XPNPEP3: variants seen among roughly 807,000 people sequenced by gnomAD.
XPNPEP3 encodes the protein X-prolyl aminopeptidase 3.
In XPNPEP3, 41 loss-of-function variants were observed where a neutral mutation model predicts 60.0. The observed-to-expected ratio is 0.68, with a 90% CI of 0.53 to 0.89. The LOEUF (loss-of-function observed/expected upper bound fraction) is 0.89, where lower values mean the gene tolerates loss of function less well. Among genes scored for constraint, XPNPEP3 ranks in the 40% least tolerant of loss-of-function variants. The pLI, the probability that XPNPEP3 is intolerant of heterozygous loss-of-function variation, is 0.00. For synonymous variants in XPNPEP3, 212 were observed against 223.2 expected (o/e 0.95, Z 0.45); for missense variants, 598 against 638.9 (o/e 0.94, Z 0.69).
intron 3 of XPNPEP3, among the ~76,000 whole-genome samples, chr22:40,882,698 C>T (rs959205923): frequency 4.0e-5 from 6 of 151,820 alleles, no homozygotes; most frequent in African/African-American, 1.5e-4. Context: ...GAGCTAAGAT[C>T]CCGCCACTGC....
intron 2 of XPNPEP3, among the ~76,000 whole-genome samples, chr22:40,871,248 G>A (rs1375619914): frequency 2.0e-5 from 3 of 152,052 alleles, no homozygotes; most frequent in African/African-American, 7.2e-5. Flanking sequence ...AGCTACTCGG[G>A]GGACTCAGGT....
chr22:40,928,840 GCAGTGA>G lies in XPNPEP3; in HGVS notation c.*2407_*2412del, dbSNP rs2058244730. On this transcript the variant is annotated 3_prime_UTR_variant, in exon 10 of 10. Coordinates refer to ENST00000357137, the MANE Select transcript of XPNPEP3 (RefSeq NM_022098.4). ...AGGGTACAGAGTGAAAAGCAGACAG[GCAGTGA>G]CTTCCTCAAGAGACAGATAATGTGA... 1 of 152,164 alleles carries G rather than the reference GCAGTGA, an allele frequency of 6.6e-6. No individual in the cohort carries two copies. Among genetic ancestry groups the G allele is most frequent in the Non-Finnish European group, 1.5e-5 (1 of 68,036 alleles). 9.4% of individuals were successfully genotyped at this position (152,164 alleles called of 1,614,324 possible).
intron 4 of XPNPEP3, chr22:40,907,007 C>T (rs554429253): frequency 8.8e-6 from 4 of 454,890 alleles, no homozygotes; most frequent in East Asian, 7.0e-5. Context: ...GCAGAGCCCT[C>T]GTGATTTAAT....
At chr22:40,896,621 G>A (rs2058109216) in intron 4 of XPNPEP3, among the ~76,000 whole-genome samples, 1 of 150,756 alleles carries the variant, frequency 6.6e-6, no homozygotes, top group African/African-American at 2.4e-5. Flanking sequence ...GCAACCGAGA[G>A]AGACTCTGCA....
chr22:40,893,830 G>T (rs943178692), intron 4 of XPNPEP3, among the ~76,000 whole-genome samples: 1 of 152,130 alleles, frequency 6.6e-6, no homozygotes, highest in African/African-American at 2.4e-5. Context: ...TGGTCAGGCT[G>T]ATCTAGAACT....
intron 2 of XPNPEP3, 114 bp downstream of exon 2, chr22:40,869,229 T>G (rs535243963): frequency 1.4e-4 from 128 of 883,976 alleles, no homozygotes; most frequent in Non-Finnish European, 2.3e-4. Flanking sequence ...AGGTAGCCAC[T>G]AACCTCACAT....
intron 1 of XPNPEP3, chr22:40,860,675 C>T (rs1215904786): frequency 4.2e-6 from 5 of 1,191,976 alleles, no homozygotes; most frequent in Non-Finnish European, 4.6e-6. Context: ...TTTTTTAAGA[C>T]AGGGTCTTAC....
chr22:40,875,451 TG>T, intron 2 of XPNPEP3, among the ~76,000 whole-genome samples: 1 of 152,334 alleles, frequency 6.6e-6, no homozygotes, highest in Non-Finnish European at 1.5e-5. Flanking sequence ...CTTCATCTCC[TG>T]ATTCAATTTT....
chr22:40,892,026 G>C (rs1196930778), intron 4 of XPNPEP3, among the ~76,000 whole-genome samples: 1 of 152,170 alleles, frequency 6.6e-6, no homozygotes, highest in Non-Finnish European at 1.5e-5. Flanking sequence ...TATTCCTTTT[G>C]TTGGGTTGCT....
chr22:40,859,349 A>G (rs1208269369), intron 1 of XPNPEP3, among the ~76,000 whole-genome samples: 1 of 152,234 alleles, frequency 6.6e-6, no homozygotes, highest in Non-Finnish European at 1.5e-5. Flanking sequence ...GCTATTGAGT[A>G]AGATGATTAA....
intron 2 of XPNPEP3, among the ~76,000 whole-genome samples, chr22:40,874,318 C>A (rs1291645365): frequency 6.6e-6 from 1 of 152,106 alleles, no homozygotes; most frequent in Admixed American, 6.6e-5. Flanking sequence ...GTGGTTTGAA[C>A]CTGCCTAGAC....
rs201202655 is a variant in XPNPEP3 at position 40,861,798 on chromosome 22, T to C, written c.64+4553T>C. ...GTTTAATCCTTCTGTGCCATATTTA[T>C]CATAAATGTCCCGTTTCTCATCATT... is the stretch of plus-strand genomic sequence containing the variant. On this transcript the variant is annotated intron_variant, in intron 1 of 9. Coordinates refer to ENST00000357137, the MANE Select transcript of XPNPEP3 (RefSeq NM_022098.4). 37 of 1,613,430 alleles carry C rather than the reference T, an allele frequency of 2.3e-5. No homozygotes were observed. Among genetic ancestry groups the C allele is most frequent in the Non-Finnish European group, 2.5e-5 (30 of 1,179,840 alleles).
chr22:40,869,172 T>C (rs2057993575), intron 2 of XPNPEP3, 57 bp downstream of exon 2: 1 of 1,443,920 alleles, frequency 6.9e-7, no homozygotes, highest in South Asian at 1.1e-5. Flanking sequence ...AGCAATGCTA[T>C]GCAATAGAAC....
chr22:40,908,675 G>A (rs2058165611), intron 5 of XPNPEP3, among the ~76,000 whole-genome samples: 1 of 152,314 alleles, frequency 6.6e-6, no homozygotes, highest in Non-Finnish European at 1.5e-5. Flanking sequence ...CTATTTGAAA[G>A]ATTGGAATTA....
chr22:40,904,756 T>C (rs1171037381), intron 4 of XPNPEP3, among the ~76,000 whole-genome samples: 1 of 152,186 alleles, frequency 6.6e-6, no homozygotes, highest in Non-Finnish European at 1.5e-5. Context: ...GTCCTTTAAT[T>C]GATTTTTTAA....
At chr22:40,880,526 A>G (rs2058043261) in intron 2 of XPNPEP3, among the ~76,000 whole-genome samples, 1 of 150,794 alleles carries the variant, frequency 6.6e-6, no homozygotes, top group South Asian at 2.1e-4. Flanking sequence ...CAAGGTGTTG[A>G]TGTGAGTAGG....
intron 4 of XPNPEP3, among the ~76,000 whole-genome samples, chr22:40,905,778 A>C (rs750314699): frequency 2.0e-4 from 31 of 152,106 alleles, no homozygotes; most frequent in Middle Eastern, 3.4e-3. Context: ...TCAACCTCAT[A>C]CTATGAAATG....
chr22:40,913,461 A>C (rs2058184089), intron 6 of XPNPEP3, among the ~76,000 whole-genome samples: 1 of 151,238 alleles, frequency 6.6e-6, no homozygotes, highest in African/African-American at 2.4e-5. Flanking sequence ...AAAAGAGGGA[A>C]GTGATATTCC....
chr22:40,868,705 A>G (rs4513386), intron 1 of XPNPEP3, among the ~76,000 whole-genome samples: 7,945 of 152,014 alleles, frequency 0.052, 662 homozygotes, highest in African/African-American at 0.18. Flanking sequence ...AATTAGCCAG[A>G]CATGGTGGCA....
Sources: gnomAD v4.1 joint callset for allele counts (sites outside exome capture counted in the v4.1 genomes callset) on GRCh38, gnomAD v4.1.1 for gene constraint, MANE v1.5 for transcripts, NCBI Gene and HGNC (gene_info 2026-07-23, HGNC 2026-07-21) for gene names.